The following GHR variants were observed in gnomAD, a reference collection of about 807,000 sequenced individuals.
GHR encodes GH receptor.
In GHR, 35 loss-of-function variants were observed where a neutral mutation model predicts 67.1. The observed-to-expected ratio is 0.52, with a 90% CI of 0.40 to 0.69. The LOEUF (loss-of-function observed/expected upper bound fraction) is 0.69. GHR is among the 30% of genes least tolerant of loss of function. The pLI, the probability that GHR is intolerant of heterozygous loss-of-function variation, is 0.00. For missense variants in GHR, 792 were observed against 764.6 expected, an observed-to-expected ratio of 1.04 and a Z score of -0.42; for synonymous variants, 272 against 269.1, an observed-to-expected ratio of 1.01 and a Z score of -0.10.
chr5:42,584,254 G>C (rs1347780160), intron 2 of GHR, among the ~76,000 whole-genome samples: 1 of 152,098 alleles, frequency 6.6e-6, no homozygotes, highest in African/African-American at 2.4e-5. Context: ...TAAATTTATA[G>C]CAAAAGTCAT....
At chr5:42,542,510 C>CAGT (rs1274640803) in intron 1 of GHR, among the ~76,000 whole-genome samples, 2 of 152,032 alleles carry the variant, frequency 1.3e-5, no homozygotes, top group African/African-American at 4.8e-5. Context: ...ACTTCATGAG[C>CAGT]AGTAACTGAA....
intron 5 of GHR, among the ~76,000 whole-genome samples, chr5:42,698,274 G>A (rs374242429): frequency 5.9e-5 from 9 of 152,238 alleles, no homozygotes; most frequent in African/African-American, 1.7e-4. Flanking sequence ...CTGTAATGGT[G>A]GTACCAAATC....
intron 1 of GHR, among the ~76,000 whole-genome samples, chr5:42,518,121 T>C (rs931110064): frequency 6.7e-6 from 1 of 149,720 alleles, no homozygotes; most frequent in Non-Finnish European, 1.5e-5. Context: ...GCCTTTTGAA[T>C]TCATGATTCT....
intron 3 of GHR, among the ~76,000 whole-genome samples, chr5:42,679,901 A>G (rs1260202908): frequency 6.6e-6 from 1 of 152,150 alleles, no homozygotes; most frequent in Non-Finnish European, 1.5e-5. Context: ...GACTTGGAAA[A>G]ATAATGATGT....
At chr5:42,697,863 A>G (rs902450949) in intron 5 of GHR, among the ~76,000 whole-genome samples, 4 of 152,178 alleles carry the variant, frequency 2.6e-5, no homozygotes, top group African/African-American at 9.6e-5. Flanking sequence ...AAAGGGGTAC[A>G]GTGGGGAGAC....
intron 1 of GHR, chr5:42,467,534 C>G: frequency 7.4e-7 from 1 of 1,350,832 alleles, no homozygotes; most frequent in East Asian, 2.3e-5. Context: ...AAGGCTTTCT[C>G]ACATTTACTA....
chr5:42,607,231 T>C (rs1752672498), intron 2 of GHR, among the ~76,000 whole-genome samples: 1 of 152,198 alleles, frequency 6.6e-6, no homozygotes, highest in South Asian at 2.1e-4. Flanking sequence ...CTTTTTAAGT[T>C]ACCCAGTCTC....
chr5:42,426,981 T>G lies in GHR; in HGVS notation c.-12+3026T>G, dbSNP rs180754608. Among the ~76,000 whole-genome samples, 96 of 152,354 alleles carry G rather than the reference T, an allele frequency of 6.3e-4. 1 individual carries two copies. Among genetic ancestry groups the G allele is most frequent in the African/African-American group, 2.3e-3 (95 of 41,580 alleles). On this transcript the variant is annotated intron_variant, in intron 1 of 9. Coordinates refer to ENST00000230882, the MANE Select transcript of GHR (RefSeq NM_000163.5). ...AAGATTCATTTCTAGAAAGTTCTTA[T>G]ACTGAATCAACATTTTCTTCCATCC... is the stretch of plus-strand genomic sequence containing the variant.
chr5:42,709,675 C>T (rs1758355071), intron 6 of GHR, among the ~76,000 whole-genome samples: 1 of 152,068 alleles, frequency 6.6e-6, no homozygotes, highest in Non-Finnish European at 1.5e-5. Context: ...AGGTGTGTAT[C>T]ACTAAATTTG....
chr5:42,562,063 T>C (rs1370856384), intron 1 of GHR, among the ~76,000 whole-genome samples: 1 of 152,178 alleles, frequency 6.6e-6, no homozygotes, highest in Non-Finnish European at 1.5e-5. Context: ...ATCATTACAT[T>C]GTAATGTTAG....
chr5:42,592,082 T>C (rs780039671), intron 2 of GHR, among the ~76,000 whole-genome samples: 55 of 152,052 alleles, frequency 3.6e-4, no homozygotes, highest in Non-Finnish European at 6.6e-4. Flanking sequence ...GCAGCAGCAA[T>C]ACAGTTCCTT....
chr5:42,635,965 C>T (rs1286158145), intron 3 of GHR, among the ~76,000 whole-genome samples: 4 of 151,762 alleles, frequency 2.6e-5, no homozygotes, highest in African/African-American at 7.3e-5. Flanking sequence ...AATCCCAGCA[C>T]TTTGGGAGGC....
chr5:42,707,659 G>A (rs551850049), intron 6 of GHR, among the ~76,000 whole-genome samples: 3 of 151,990 alleles, frequency 2.0e-5, no homozygotes, highest in East Asian at 1.9e-4. Flanking sequence ...TACTTATAAA[G>A]ATATTTCACC....
chr5:42,461,284 CCT>C (rs1170151297), intron 1 of GHR, among the ~76,000 whole-genome samples: 1 of 152,172 alleles, frequency 6.6e-6, no homozygotes, highest in African/African-American at 2.4e-5. Context: ...TGAACTCTAA[CCT>C]CATTATTTCA....
intron 3 of GHR, among the ~76,000 whole-genome samples, chr5:42,642,566 G>C (rs1158241990): frequency 6.6e-6 from 1 of 152,072 alleles, no homozygotes; most frequent in Non-Finnish European, 1.5e-5. Flanking sequence ...TTCTAGGTAG[G>C]TATGCCCATC....
intron 6 of GHR, among the ~76,000 whole-genome samples, chr5:42,708,065 G>A (rs1040332222): frequency 7.9e-5 from 12 of 152,018 alleles, no homozygotes; most frequent in Non-Finnish European, 4.4e-5. Context: ...AGCAGTTCTT[G>A]TAAGATAGGT....
intron 2 of GHR, among the ~76,000 whole-genome samples, chr5:42,595,444 A>G (rs1039839999): frequency 6.6e-6 from 1 of 152,256 alleles, no homozygotes; most frequent in Non-Finnish European, 1.5e-5. Flanking sequence ...AGGAGCTGAC[A>G]ATCCAACTTA....
At chr5:42,491,069 G>T (rs1184010486) in intron 1 of GHR, among the ~76,000 whole-genome samples, 2 of 152,228 alleles carry the variant, frequency 1.3e-5, no homozygotes, top group African/African-American at 4.8e-5. Context: ...AGCCAAAGAA[G>T]TAAACACTGG....
At chr5:42,479,340 A>G (rs1385459116) in intron 1 of GHR, among the ~76,000 whole-genome samples, 1 of 152,266 alleles carries the variant, frequency 6.6e-6, no homozygotes, top group East Asian at 1.9e-4. Flanking sequence ...ATTGGTCTAA[A>G]ATTCTCTTTT....
Sources: allele counts gnomAD v4.1 joint callset (sites outside exome capture counted in the v4.1 genomes callset), GRCh38; gene constraint gnomAD v4.1.1; transcripts MANE v1.5; gene names NCBI Gene and HGNC (gene_info 2026-07-23, HGNC 2026-07-21).